Variants in MYH11 observed in about 807,000 individuals in gnomAD.
MYH11 encodes myosin heavy chain 11.
In MYH11, 80 loss-of-function variants were observed where a neutral mutation model predicts 246.6. The observed-to-expected ratio is 0.32, with a 90% CI of 0.27 to 0.39. The LOEUF is 0.39. Among genes scored for constraint, MYH11 ranks in the 10% least tolerant of loss-of-function variants. The pLI, the probability that MYH11 is intolerant of heterozygous loss-of-function variation, is 1.00. For missense variants in MYH11, 2,158 were observed against 2,546.8 expected (o/e 0.85, Z 3.29); for synonymous variants, 1,071 against 1,015.5 (o/e 1.05, Z -1.04).
chr16:15,850,364 G>A (rs536976676), intron 1 of MYH11, among the ~76,000 whole-genome samples: 23 of 152,216 alleles, frequency 1.5e-4, no homozygotes, highest in South Asian at 4.2e-4. Flanking sequence ...CAGCCTGGGC[G>A]ACAAGAGCAA....
chr16:15,721,208 C>T, intron 32 of MYH11, 157 bp from the exon 33 acceptor site: 3 of 973,604 alleles, frequency 3.1e-6, no homozygotes, highest in Non-Finnish European at 4.7e-6. Flanking sequence ...AGAGTTCAGA[C>T]CCCAGCCTTA....
chr16:15,739,909 T>G, intron 23 of MYH11, 142 bp downstream of exon 23: 1 of 876,134 alleles, frequency 1.1e-6, no homozygotes, highest in Non-Finnish European at 1.8e-6. Flanking sequence ...ACCTGGCTAA[T>G]CTTTGTATTT....
intron 2 of MYH11, among the ~76,000 whole-genome samples, chr16:15,830,134 CA>C (rs5815844): frequency 8.8e-5 from 13 of 147,978 alleles, no homozygotes; most frequent in African/African-American, 9.9e-5. Flanking sequence ...GACTTGGTCT[CA>C]AAAAAAAAAA....
At chr16:15,763,402 TA>T (rs1035829116) in intron 10 of MYH11, among the ~76,000 whole-genome samples, 3 of 152,116 alleles carry the variant, frequency 2.0e-5, no homozygotes, top group African/African-American at 7.2e-5. Flanking sequence ...TGGTCACTAT[TA>T]GGGGTAGGAC....
In MYH11 at chr16:15,812,551, T is replaced by TAAAA. The variant is rs71134466; in HGVS notation, c.502+10700_502+10703dup. On this transcript the variant is annotated intron_variant, in intron 3 of 40. Transcript: ENST00000300036. ...GGGCAACACAGTAAGATCTTATCTC[T>TAAAA]AAAAAAAAAAAAAAAAAAAAAAAAA... Among the ~76,000 whole-genome samples the TAAAA allele has an allele frequency of 9.4e-4, 35 of 37,408 alleles. 4 individuals are homozygous for TAAAA. The highest frequency in any genetic ancestry group is 4.3e-3 in the South Asian group (2 of 466). The allele number at this position is 37,408 out of a possible 152,430, so 24.5% of individuals were successfully genotyped here.
chr16:15,807,288 G>T (rs892119605), intron 3 of MYH11, among the ~76,000 whole-genome samples: 2 of 151,988 alleles, frequency 1.3e-5, no homozygotes, highest in African/African-American at 4.8e-5. Context: ...CCAATGCACC[G>T]AGCTTCATGA....
intron 27 of MYH11, among the ~76,000 whole-genome samples, chr16:15,730,369 TAAA>T (rs746923275): frequency 7.0e-4 from 68 of 97,208 alleles, no homozygotes; most frequent in African/African-American, 1.8e-3. Flanking sequence ...CCATCTCTAC[TAAA>T]AAAAAAAAAA....
chr16:15,823,597 T>C (rs951245093), intron 2 of MYH11, among the ~76,000 whole-genome samples, 186 bp from the exon 3 acceptor site: 7 of 152,136 alleles, frequency 4.6e-5, no homozygotes, highest in Admixed American at 3.9e-4. Flanking sequence ...GTTTCCAAGC[T>C]GCCTATGTTT....
Position 15,737,547 on chromosome 16 carries a change from G to T in MYH11, c.3195C>A (p.Ser1065Arg), listed in dbSNP as rs202136377. 1 of 1,613,924 alleles carries T rather than the reference G, an allele frequency of 6.2e-7. No individual in the cohort carries two copies. Among genetic ancestry groups the T allele is most frequent in the Non-Finnish European group, 8.5e-7 (1 of 1,180,028 alleles). ...GGTCAGCGATCTGCTCGTGGAAGTCGCTGGCATCACCCTCCAGCTTCCGTT... is the reference window on the plus strand; with the variant it reads ...GGTCAGCGATCTGCTCGTGGAAGTCTCTGGCATCACCCTCCAGCTTCCGTT... Reference protein sequence around the residue: ...KLKRKLEGDASDFHEQIADLQ... With the variant: ...KLKRKLEGDARDFHEQIADLQ... The change falls in exon 25 of 41, where the codon AGC becomes AGA. Residue 1065 changes from serine to arginine, a missense_variant. Around this residue, in one of 11 missense-constraint regions of MYH11, gnomAD observed 284 missense variants for 315.4 expected, o/e 0.90. Transcript: ENST00000300036.
intron 20 of MYH11, among the ~76,000 whole-genome samples, chr16:15,743,143 G>A (rs766769920): frequency 1.3e-5 from 2 of 150,830 alleles, no homozygotes; most frequent in Non-Finnish European, 3.0e-5. Context: ...TGTAAATAAG[G>A]CCATAATGAA....
intron 40 of MYH11, among the ~76,000 whole-genome samples, chr16:15,709,339 G>C (rs539510999): frequency 1.3e-5 from 2 of 151,016 alleles, no homozygotes; most frequent in African/African-American, 4.9e-5. Flanking sequence ...GCAGTTTTTT[G>C]ATACTCTGTC....
chr16:15,717,053 T>C, intron 38 of MYH11, 87 bp downstream of exon 38: 1 of 1,397,076 alleles, frequency 7.2e-7, no homozygotes, highest in Non-Finnish European at 1.0e-6. Context: ...CCAGAACTGA[T>C]GCTGGAAGAG....
intron 4 of MYH11, among the ~76,000 whole-genome samples, chr16:15,797,177 A>G (rs948645237): frequency 9.9e-5 from 15 of 152,130 alleles, no homozygotes; most frequent in African/African-American, 3.4e-4. Context: ...TTTTCTATCT[A>G]TATCAACCCC....
intron 36 of MYH11, 79 bp from the exon 37 acceptor site, chr16:15,718,517 A>G: frequency 6.6e-7 from 1 of 1,518,196 alleles, no homozygotes; most frequent in East Asian, 2.5e-5. Flanking sequence ...GTCATGCCTC[A>G]GGGGTATTGC....
intron 3 of MYH11, among the ~76,000 whole-genome samples, chr16:15,799,842 G>T (rs1021666807): frequency 1.3e-5 from 2 of 152,256 alleles, no homozygotes; most frequent in East Asian, 3.9e-4. Flanking sequence ...TCCTAGGCTT[G>T]GTTTTACATT....
chr16:15,753,327 CG>C, intron 15 of MYH11, 66 bp downstream of exon 15: 1 of 1,411,886 alleles, frequency 7.1e-7, no homozygotes, highest in Non-Finnish European at 1.0e-6. Flanking sequence ...GTGTGAGAGT[CG>C]GGGGACTTGG....
intron 5 of MYH11, chr16:15,785,417 A>T (rs557460500): frequency 6.6e-6 from 1 of 152,028 alleles, no homozygotes; most frequent in East Asian, 1.9e-4. Context: ...CATTGTTCCC[A>T]CTCACTATGG....
chr16:15,813,830 C>G (rs2043193590), intron 3 of MYH11, among the ~76,000 whole-genome samples: 2 of 148,978 alleles, frequency 1.3e-5, no homozygotes, highest in Admixed American at 6.8e-5. Context: ...CCATTCTCCA[C>G]ACAAAAGAGG....
Position 15,786,825 on chromosome 16 carries a change from C to T in MYH11, c.531-93G>A. 3 of 1,156,680 alleles carry T rather than the reference C, an allele frequency of 2.6e-6. No homozygotes were observed. In the South Asian group the frequency reaches 3.9e-5, roughly 15 times the overall value. 71.7% of individuals were successfully genotyped at this position (1,156,680 alleles called of 1,614,324 possible). A position where few individuals can be genotyped will look rare whatever the true frequency, so the allele number is the denominator to read the frequency against. On this transcript the variant is annotated intron_variant, in intron 4 of 40. Coordinates refer to ENST00000300036, the MANE Select transcript of MYH11 (RefSeq NM_002474.3). Reference sequence around the variant, plus strand: ...GGCAGGACAATAATGATCATCACCACCATTTCCCAGAGGGTGAAACAGAGG... The same window carrying T: ...GGCAGGACAATAATGATCATCACCATCATTTCCCAGAGGGTGAAACAGAGG...
Sources: allele counts gnomAD v4.1 joint callset (sites outside exome capture counted in the v4.1 genomes callset), GRCh38; gene constraint gnomAD v4.1.1; regional missense constraint gnomAD v4.1.1; transcripts MANE v1.5; gene names NCBI Gene and HGNC (gene_info 2026-07-23, HGNC 2026-07-21).